The following ZDHHC5 variants were observed in gnomAD, a reference collection of about 807,000 sequenced individuals.
ZDHHC5 encodes palmitoyltransferase ZDHHC5.
In ZDHHC5, 22 loss-of-function variants were observed where a neutral mutation model predicts 70.0. That is an observed-to-expected ratio of 0.31 (90% confidence interval 0.22 to 0.45). The LOEUF (loss-of-function observed/expected upper bound fraction) is 0.45. Ranked by LOEUF, ZDHHC5 falls within the 20% of genes least tolerant of loss-of-function variation. The probability of loss-of-function intolerance (pLI) is 1.00; values close to 1 mark genes in which losing one functional copy is unlikely to be tolerated. For missense variants in ZDHHC5, 746 were observed against 926.9 expected (o/e 0.80, Z 2.53); for synonymous variants, 313 against 347.8 (o/e 0.90, Z 1.11).
At chr11:57,682,674 C>G (rs1040052781) in intron 3 of ZDHHC5, 131 bp downstream of exon 3, 1 of 1,162,516 alleles carries the variant, frequency 8.6e-7, no homozygotes, top group Non-Finnish European at 1.2e-6. Context: ...TTTGGGCATA[C>G]GCAGTTGATC....
At chr11:57,696,916 G>A (rs375513395) in intron 10 of ZDHHC5, 43 bp downstream of exon 10, 5 of 1,590,952 alleles carry the variant, frequency 3.1e-6, no homozygotes, top group Admixed American at 1.7e-5. Flanking sequence ...ATGCCAACTG[G>A]CCAGGCACAG....
intron 8 of ZDHHC5, among the ~76,000 whole-genome samples, chr11:57,694,175 A>G (rs1193763917): frequency 1.3e-5 from 2 of 151,782 alleles, no homozygotes; most frequent in Non-Finnish European, 2.9e-5. Context: ...TATTTTTAGT[A>G]GAGATGGGGT....
chr11:57,687,120 C>T (rs916653959), intron 3 of ZDHHC5, among the ~76,000 whole-genome samples: 7 of 152,052 alleles, frequency 4.6e-5, no homozygotes, highest in Non-Finnish European at 5.9e-5. Context: ...CATGAGCCAC[C>T]GTACCCAGCT....
Position 57,668,632 on chromosome 11 carries a change from G to C in ZDHHC5, c.-1071+445G>C, listed in dbSNP as rs1053328854. 11 of 152,402 alleles carry C rather than the reference G, an allele frequency of 7.2e-5. No homozygotes were observed. The East Asian group carries it at 1.3e-3, about 19-fold the overall frequency. 9.4% of individuals were successfully genotyped at this position (152,402 alleles called of 1,614,324 possible). On this transcript the variant is annotated intron_variant, in intron 1 of 11. Coordinates refer to ENST00000287169, the MANE Select transcript of ZDHHC5 (RefSeq NM_015457.3). ...TTTCCCCAGTCCCGTGGTGGGGACC[G>C]GGTGCTGTTTCCCTTTTACCGCTCT...
In ZDHHC5 at chr11:57,690,444, A is replaced by C; in HGVS notation, c.660+7A>C. ...ACGCACAACCAATGAACAGGTATGG[A>C]GAAAAGTGACGAGAGACCCCTGAAG... On this transcript the variant is annotated splice_region_variant and intron_variant, in intron 6 of 11. Coordinates refer to ENST00000287169, the MANE Select transcript of ZDHHC5 (RefSeq NM_015457.3). 1 of 1,614,034 alleles carries C rather than the reference A, an allele frequency of 6.2e-7. No homozygotes were observed. Among genetic ancestry groups the C allele is most frequent in the Non-Finnish European group, 8.5e-7 (1 of 1,180,032 alleles).
At position 57,690,086 on chromosome 11, in the gene ZDHHC5, G is replaced by A. The variant is rs760212330; in HGVS notation, c.440G>A (p.Arg147His). ...VNNCIGRRNYRYFFLFLLSLT... is the reference protein window; with the variant it reads ...VNNCIGRRNYHYFFLFLLSLT... ...AACTGTATTGGTCGCCGGAACTACC[G>A]TTATTTTTTCCTTTTCCTCCTTTCC... The change falls in exon 5 of 12, where the codon CGT becomes CAT. Residue 147 changes from arginine (R) to histidine (H), a missense_variant. Physicochemically the swap from Arg to His is conservative, Grantham distance 29. Coordinates refer to ENST00000287169, the MANE Select transcript of ZDHHC5 (RefSeq NM_015457.3). 9 of 1,613,886 alleles carry A rather than the reference G, an allele frequency of 5.6e-6. No homozygotes were observed. The highest frequency in any genetic ancestry group is 4.4e-5 in the South Asian group (4 of 91,084).
At chr11:57,691,047 T>G (rs1946279193) in intron 6 of ZDHHC5, among the ~76,000 whole-genome samples, 1 of 152,256 alleles carries the variant, frequency 6.6e-6, no homozygotes, top group Middle Eastern at 3.4e-3. Flanking sequence ...AGATAAAGGC[T>G]GAATTTTGCC....
At chr11:57,674,316 GTT>G (rs34645509) in intron 2 of ZDHHC5, among the ~76,000 whole-genome samples, 4 of 140,932 alleles carry the variant, frequency 2.8e-5, no homozygotes, top group African/African-American at 5.2e-5. Flanking sequence ...TTTTTCCTCA[GTT>G]TTTTTTTTTT....
intron 2 of ZDHHC5, among the ~76,000 whole-genome samples, chr11:57,679,265 G>A (rs1946116215): frequency 6.6e-6 from 1 of 152,146 alleles, no homozygotes; most frequent in African/African-American, 2.4e-5. Flanking sequence ...GGGTTCAAGT[G>A]ATTCTCTTGC....
At chr11:57,692,526 C>A in intron 6 of ZDHHC5, 85 bp from the exon 7 acceptor site, 1 of 1,163,180 alleles carries the variant, frequency 8.6e-7, no homozygotes, top group Non-Finnish European at 1.3e-6. Context: ...ATAGTGAGTG[C>A]ACAATAACTT....
chr11:57,695,023 GA>G (rs1270427495), intron 8 of ZDHHC5, among the ~76,000 whole-genome samples: 2 of 152,192 alleles, frequency 1.3e-5, no homozygotes, highest in Non-Finnish European at 2.9e-5. Context: ...AACACTTTGG[GA>G]GGCTGAGGTG....
Position 57,696,033 on chromosome 11 carries a change from T to C in ZDHHC5, c.999T>C (p.Ala333=), listed in dbSNP as rs1946346611. The C allele has an allele frequency of 6.2e-7, 1 of 1,611,594 alleles. No individual in the cohort carries two copies. Among genetic ancestry groups the C allele is most frequent in the Non-Finnish European group, 8.5e-7 (1 of 1,179,416 alleles). The change falls in exon 9 of 12, where the codon GCT becomes GCC. Residue 333 remains alanine, a synonymous_variant. Transcript: ENST00000287169. ...GGTTGCGAACACACCTCGGCTTGGC[T>C]ACTAATGAGGGTAAGGGCTGCCTTG... The part of the protein sequence containing the change: ...YTGLRTHLGL[A]TNEDSSLLAK...
At chr11:57,679,225 G>A (rs553592379) in intron 2 of ZDHHC5, among the ~76,000 whole-genome samples, 11 of 152,142 alleles carry the variant, frequency 7.2e-5, no homozygotes, top group African/African-American at 2.7e-4. Flanking sequence ...GAAGTGGCGC[G>A]ATCTTGGCTC....
In ZDHHC5 at chr11:57,689,991, G is replaced by A. The variant is rs528300893; in HGVS notation, c.385-40G>A. The A allele has an allele frequency of 1.8e-5, 29 of 1,597,002 alleles. No individual in the cohort carries two copies. In the South Asian group the frequency reaches 2.8e-4, roughly 15 times the overall value. On this transcript the variant is annotated intron_variant, in intron 4 of 11. Transcript: ENST00000287169. Reference sequence around the variant, plus strand: ...CTTGACAGAAGTAATTTAATGCTATGGTCCAGGGATGCCTCTCATCTGTCT... The same window carrying A: ...CTTGACAGAAGTAATTTAATGCTATAGTCCAGGGATGCCTCTCATCTGTCT...
chr11:57,695,932 C>T lies in ZDHHC5; in HGVS notation c.898C>T (p.Leu300=), dbSNP rs1490421145. Residue 300 remains leucine (L), a synonymous_variant, in exon 9 of 12, where the codon CTG becomes TTG. Transcript: ENST00000287169. ...ELRRTKSKGS[L]EITESQSADA... The stretch of plus-strand genomic sequence containing the variant: ...TTCATCAATCCAGTCTAAGGGAAGC[C>T]TGGAGATAACAGAGAGCCAGTCTGC... 6.2e-7 allele frequency: 1 copy of T among 1,613,754 alleles called. No individual in the cohort carries two copies. The highest frequency in any genetic ancestry group is 1.7e-5 in the Admixed American group (1 of 59,892).
chr11:57,682,908 T>G (rs1406545373), intron 3 of ZDHHC5, among the ~76,000 whole-genome samples: 1 of 152,210 alleles, frequency 6.6e-6, no homozygotes, highest in Admixed American at 6.5e-5. Flanking sequence ...AAGACAGTTA[T>G]GACAGTGTGA....
intron 10 of ZDHHC5, among the ~76,000 whole-genome samples, chr11:57,698,150 A>AC (rs1565199239): frequency 0.26 from 30,241 of 115,940 alleles, 3,519 homozygotes; most frequent in Non-Finnish European, 0.3. Context: ...CACACACACA[A>AC]ACAAATGCCA....
intron 2 of ZDHHC5, among the ~76,000 whole-genome samples, chr11:57,677,836 G>A (rs1325165204): frequency 1.4e-5 from 2 of 148,066 alleles, no homozygotes; most frequent in African/African-American, 4.9e-5. Flanking sequence ...CATTAATGGA[G>A]CAGTGGTTGT....
At position 57,688,498 on chromosome 11, in the gene ZDHHC5, C is replaced by A; in HGVS notation, c.227-10C>A. On this transcript the variant is annotated splice_polypyrimidine_tract_variant and intron_variant, in intron 3 of 11. Coordinates refer to ENST00000287169, the MANE Select transcript of ZDHHC5 (RefSeq NM_015457.3). Reference sequence around the variant, plus strand: ...CATAGTTGTTTTTAATTGACTTTTCCTCTCTACAGCTGAGGAGGATGAGGA... The same window carrying A: ...CATAGTTGTTTTTAATTGACTTTTCATCTCTACAGCTGAGGAGGATGAGGA... 2 of 1,531,698 alleles carry A rather than the reference C, an allele frequency of 1.3e-6. No homozygotes were observed. The highest frequency in any genetic ancestry group is 2.4e-5 in the East Asian group (1 of 41,610). 94.9% of individuals were successfully genotyped at this position (1,531,698 alleles called of 1,614,324 possible). A position where few individuals can be genotyped will look rare whatever the true frequency, so the allele number is the denominator to read the frequency against.
Sources: gnomAD v4.1 joint callset for allele counts (sites outside exome capture counted in the v4.1 genomes callset) on GRCh38, gnomAD v4.1.1 for gene constraint, MANE v1.5 for transcripts, NCBI Gene and HGNC (gene_info 2026-07-23, HGNC 2026-07-21) for gene names.